The following GPC5 variants were observed in gnomAD, a reference collection of about 807,000 sequenced individuals.
The protein encoded by GPC5 is glypican 5.
A neutral mutation model predicts 53.9 loss-of-function variants in GPC5; 47 were observed. The observed-to-expected ratio is 0.87, with a 90% CI of 0.69 to 1.11. The LOEUF (loss-of-function observed/expected upper bound fraction) is 1.11, where lower values mean the gene tolerates loss of function less well. GPC5 is among the 50% of genes most tolerant of loss of function. GPC5 has a pLI of 0.00. For missense variants in GPC5, 748 were observed against 713.1 expected, an observed-to-expected ratio of 1.05 and a Z score of -0.56; for synonymous variants, 286 against 263.3, an observed-to-expected ratio of 1.09 and a Z score of -0.84.
intron 7 of GPC5, among the ~76,000 whole-genome samples, chr13:92,169,339 A>G (rs1448446937): frequency 6.6e-6 from 1 of 152,240 alleles, no homozygotes; most frequent in Non-Finnish European, 1.5e-5. Flanking sequence ...GGAACTTAAA[A>G]AAGAATTTGC....
Position 91,847,787 on chromosome 13 carries a change from G to C in GPC5, c.1281-60150G>C, listed in dbSNP as rs9556121. Among the ~76,000 whole-genome samples the C allele has an allele frequency of 9.3e-4, 142 of 152,162 alleles. 1 individual carries two copies. In the East Asian group the frequency reaches 0.025, roughly 27 times the overall value. ...CCTGGTTACTTGATCTCTGAGATTA[G>C]TTTCTAAAGTTAGACATATTTTGAC... On this transcript the variant is annotated intron_variant, in intron 5 of 7. Coordinates refer to ENST00000377067, the MANE Select transcript of GPC5 (RefSeq NM_004466.6).
chr13:91,614,564 A>G (rs2033644887), intron 2 of GPC5, among the ~76,000 whole-genome samples: 1 of 151,858 alleles, frequency 6.6e-6, no homozygotes, highest in Non-Finnish European at 1.5e-5. Context: ...GCTCCTAGAG[A>G]TGAATGATCC....
intron 7 of GPC5, among the ~76,000 whole-genome samples, chr13:92,488,911 C>A (rs1244724846): frequency 6.6e-6 from 1 of 152,080 alleles, no homozygotes; most frequent in Non-Finnish European, 1.5e-5. Flanking sequence ...CAGTTACTAA[C>A]AAATAAAACA....
At chr13:92,637,631 C>A (rs1262064096) in intron 7 of GPC5, among the ~76,000 whole-genome samples, 4 of 152,178 alleles carry the variant, frequency 2.6e-5, no homozygotes, top group African/African-American at 9.6e-5. Context: ...TCAACGCAAG[C>A]AAATTATTCC....
intron 7 of GPC5, among the ~76,000 whole-genome samples, chr13:92,358,104 T>C (rs2043537385): frequency 6.6e-6 from 1 of 151,714 alleles, no homozygotes; most frequent in African/African-American, 2.4e-5. Context: ...TTCCAAGATA[T>C]AATGTTGGTA....
At chr13:92,560,443 A>T (rs1882656453) in intron 7 of GPC5, among the ~76,000 whole-genome samples, 1 of 152,056 alleles carries the variant, frequency 6.6e-6, no homozygotes, top group South Asian at 2.1e-4. Context: ...TAACAAGCAG[A>T]TAAACCAGAA....
intron 6 of GPC5, among the ~76,000 whole-genome samples, chr13:92,133,983 T>C (rs1055938797): frequency 6.6e-6 from 1 of 152,158 alleles, no homozygotes; most frequent in African/African-American, 2.4e-5. Flanking sequence ...CTTGGCAATA[T>C]AGACATTAAT....
intron 6 of GPC5, among the ~76,000 whole-genome samples, chr13:92,095,277 T>C (rs1474707840): frequency 2.0e-5 from 3 of 152,188 alleles, no homozygotes; most frequent in Non-Finnish European, 2.9e-5. Flanking sequence ...TTCTCCTTTT[T>C]TCGTTCAGTC....
chr13:92,364,102 C>T (rs895351698), intron 7 of GPC5, among the ~76,000 whole-genome samples: 4 of 151,680 alleles, frequency 2.6e-5, no homozygotes, highest in Non-Finnish European at 5.9e-5. Flanking sequence ...AATCTAGCTA[C>T]ACTGTATGTC....
intron 5 of GPC5, among the ~76,000 whole-genome samples, chr13:91,875,873 C>G (rs995400006): frequency 6.6e-6 from 1 of 152,144 alleles, no homozygotes. Context: ...ACACAATTAA[C>G]TAGTGATGTG....
At chr13:91,786,147 C>G (rs1181949985) in intron 5 of GPC5, among the ~76,000 whole-genome samples, 1 of 152,178 alleles carries the variant, frequency 6.6e-6, no homozygotes, top group Admixed American at 6.5e-5. Flanking sequence ...CAGGTGCCCA[C>G]CACCACGCCT....
chr13:92,180,359 A>C (rs2042137886), intron 7 of GPC5, among the ~76,000 whole-genome samples: 1 of 152,260 alleles, frequency 6.6e-6, no homozygotes, highest in Non-Finnish European at 1.5e-5. Flanking sequence ...AAAACAAAAG[A>C]AAATTGGAAA....
At chr13:91,774,067 A>T (rs2037669712) in intron 5 of GPC5, among the ~76,000 whole-genome samples, 1 of 152,198 alleles carries the variant, frequency 6.6e-6, no homozygotes, top group African/African-American at 2.4e-5. Flanking sequence ...AACAGCCAGG[A>T]TTACAAACTG....
chr13:91,935,146 G>A (rs1480664115), intron 6 of GPC5, among the ~76,000 whole-genome samples: 1 of 151,878 alleles, frequency 6.6e-6, no homozygotes, highest in Non-Finnish European at 1.5e-5. Flanking sequence ...TAGTGAAAAA[G>A]AAAGGCAAGA....
intron 6 of GPC5, among the ~76,000 whole-genome samples, chr13:92,087,638 T>G (rs552962273): frequency 6.6e-6 from 1 of 152,134 alleles, no homozygotes; most frequent in Non-Finnish European, 1.5e-5. Context: ...TGATGAGTGA[T>G]CCTTCCTCTT....
intron 6 of GPC5, among the ~76,000 whole-genome samples, chr13:92,013,552 C>T (rs934059805): frequency 6.6e-6 from 1 of 152,122 alleles, no homozygotes; most frequent in Non-Finnish European, 1.5e-5. Flanking sequence ...TCAAAAGGAA[C>T]CAATTGGGAG....
intron 7 of GPC5, among the ~76,000 whole-genome samples, chr13:92,228,216 C>G (rs1259501125): frequency 1.3e-5 from 2 of 151,132 alleles, no homozygotes; most frequent in South Asian, 2.1e-4. Context: ...AAAAAAATCT[C>G]GGTATCAATG....
intron 7 of GPC5, among the ~76,000 whole-genome samples, chr13:92,747,300 A>G (rs778220946): frequency 1.3e-5 from 2 of 152,200 alleles, no homozygotes; most frequent in Non-Finnish European, 2.9e-5. Flanking sequence ...AAGCATTGTC[A>G]TTGCTTAAGA....
intron 6 of GPC5, among the ~76,000 whole-genome samples, chr13:92,092,652 A>T (rs1296823772): frequency 6.6e-6 from 1 of 152,198 alleles, no homozygotes; most frequent in Non-Finnish European, 1.5e-5. Context: ...ATTTTTATAA[A>T]GAAATTTTTT....
Sources: gnomAD v4.1 joint callset for allele counts (sites outside exome capture counted in the v4.1 genomes callset) on GRCh38, gnomAD v4.1.1 for gene constraint, MANE v1.5 for transcripts, NCBI Gene and HGNC (gene_info 2026-07-23, HGNC 2026-07-21) for gene names.